The following NLGN4X variants were observed in gnomAD, a reference collection of about 807,000 sequenced individuals.
NLGN4X encodes neuroligin-4, X-linked.
In NLGN4X, 3 loss-of-function variants were observed where a neutral mutation model predicts 40.3. The ratio of observed to expected loss-of-function variants is 0.07; its 90% CI spans 0.03 to 0.19. The LOEUF is 0.19. NLGN4X is among the 10% of genes least tolerant of loss of function. The probability of loss-of-function intolerance (pLI) is 1.00; values close to 1 mark genes in which losing one functional copy is unlikely to be tolerated. For synonymous variants in NLGN4X, 270 were observed against 306.8 expected, an observed-to-expected ratio of 0.88 and a Z score of 1.25; for missense variants, 382 against 708.3, an observed-to-expected ratio of 0.54 and a Z score of 5.23.
chrX:5,950,225 T>C (rs945592825), intron 3 of NLGN4X, among the ~76,000 whole-genome samples: 1 of 112,044 alleles, frequency 8.9e-6, no homozygotes, highest in African/African-American at 3.2e-5. Flanking sequence ...ATGTGGCTAT[T>C]GAGCACATAA....
At chrX:5,939,028 C>T (rs764724668) in intron 3 of NLGN4X, among the ~76,000 whole-genome samples, 9 of 108,571 alleles carry the variant, frequency 8.3e-5, no homozygotes, top group Non-Finnish European at 1.5e-4. Flanking sequence ...CTTGGTTTTG[C>T]ATTATCCAGC....
At chrX:5,946,618 G>T (rs2034129734) in intron 3 of NLGN4X, among the ~76,000 whole-genome samples, 1 of 111,362 alleles carries the variant, frequency 9.0e-6, no homozygotes, top group African/African-American at 3.3e-5. Context: ...TGAATTTTAG[G>T]AGTGTTTCTC....
intron 2 of NLGN4X, among the ~76,000 whole-genome samples, chrX:6,104,419 TTC>T (rs2038989296): frequency 8.9e-6 from 1 of 112,218 alleles, no homozygotes; most frequent in Admixed American, 9.5e-5. Flanking sequence ...GCACATGAGT[TTC>T]TGTGTTCATT....
intron 1 of NLGN4X, among the ~76,000 whole-genome samples, chrX:6,156,884 CAAAT>C (rs1206194504): frequency 9.2e-6 from 1 of 109,249 alleles, no homozygotes; most frequent in Non-Finnish European, 1.9e-5. Flanking sequence ...AAAAAATTGT[CAAAT>C]AAAGATTGAA....
intron 2 of NLGN4X, among the ~76,000 whole-genome samples, chrX:6,067,754 T>C (rs2037958872): frequency 9.0e-6 from 1 of 111,051 alleles, no homozygotes; most frequent in Non-Finnish European, 1.9e-5. Flanking sequence ...TTAAAACAGA[T>C]GGATGTAAAT....
At chrX:5,971,417 T>A (rs183100825) in intron 3 of NLGN4X, among the ~76,000 whole-genome samples, 11 of 111,286 alleles carry the variant, frequency 9.9e-5, no homozygotes, top group African/African-American at 3.6e-4. Context: ...GCATTTGCAA[T>A]ACTTTTCCCT....
intron 2 of NLGN4X, among the ~76,000 whole-genome samples, chrX:6,124,529 A>G (rs1014952855): frequency 6.3e-5 from 7 of 111,532 alleles, no homozygotes; most frequent in Non-Finnish European, 1.3e-4. Context: ...TAAAAATACA[A>G]AAGTTAGCTG....
chrX:6,168,273 C>G (rs1412588642), intron 1 of NLGN4X, among the ~76,000 whole-genome samples: 1 of 112,261 alleles, frequency 8.9e-6, no homozygotes, highest in East Asian at 2.8e-4. Context: ...GCTAAATTAT[C>G]ATCTGGCAAA....
intron 2 of NLGN4X, among the ~76,000 whole-genome samples, chrX:6,129,782 C>CT (rs2039639258): frequency 1.0e-5 from 1 of 97,535 alleles, no homozygotes; most frequent in Non-Finnish European, 2.1e-5. Context: ...AGCCAGACTC[C>CT]TTTTTTATAG....
In NLGN4X at chrX:6,079,378, A is replaced by G. The variant is rs56882930; in HGVS notation, c.473-49946T>C. Among the ~76,000 whole-genome samples the G allele has an allele frequency of 7.6e-3, 850 of 112,493 alleles. 8 individuals carry two copies. The highest frequency in any genetic ancestry group is 0.026 in the African/African-American group (810 of 30,947). Reference sequence around the variant, plus strand: ...GTGTAATCTCATGACCCTACTGTGAAAATTAAAGTAGATAAGTCTTGCCTA... The same window carrying G: ...GTGTAATCTCATGACCCTACTGTGAGAATTAAAGTAGATAAGTCTTGCCTA... On this transcript the variant is annotated intron_variant, in intron 2 of 5. Coordinates refer to ENST00000381095, the MANE Select transcript of NLGN4X (RefSeq NM_181332.3).
intron 2 of NLGN4X, among the ~76,000 whole-genome samples, chrX:6,147,655 A>ATCTCTC (rs762478798): frequency 1.1e-4 from 11 of 97,875 alleles, no homozygotes; most frequent in Non-Finnish European, 1.9e-4. Flanking sequence ...TCTCTCTGCT[A>ATCTCTC]TCTCTCTCTC....
intron 2 of NLGN4X, among the ~76,000 whole-genome samples, chrX:6,071,367 G>A (rs150798119): frequency 0.021 from 2,300 of 110,849 alleles, 57 homozygotes; most frequent in African/African-American, 0.071. Flanking sequence ...TGGGGCGGGG[G>A]GAGAGTAATA....
Position 6,207,121 on chromosome X carries a change from G to A in NLGN4X, c.-306+21420C>T, listed in dbSNP as rs543404400. On this transcript the variant is annotated intron_variant, in intron 1 of 5. Coordinates refer to ENST00000381095, the MANE Select transcript of NLGN4X (RefSeq NM_181332.3). ...AGAAAATGCAACCTTTGGATGGATG[G>A]GTGGATGAGTTTACTTTCAAACAGG... 1.9e-4 allele frequency among the ~76,000 whole-genome samples: 21 copies of A among 110,894 alleles called. No homozygotes were observed. In the South Asian group the frequency reaches 6.6e-3, roughly 35 times the overall value.
At chrX:5,930,892 C>T (rs2146863733) in intron 3 of NLGN4X, among the ~76,000 whole-genome samples, 1 of 112,072 alleles carries the variant, frequency 8.9e-6, no homozygotes, top group South Asian at 3.8e-4. Context: ...TTCCCTGTTG[C>T]TGTCTTTCCT....
intron 2 of NLGN4X, among the ~76,000 whole-genome samples, chrX:6,041,225 G>A (rs753289095): frequency 9.8e-5 from 11 of 111,699 alleles, no homozygotes; most frequent in Non-Finnish European, 2.1e-4. Flanking sequence ...AACAGACCTG[G>A]AAGCTGACTC....
chrX:5,929,046 T>G (rs1439632723), intron 3 of NLGN4X, among the ~76,000 whole-genome samples: 1 of 110,732 alleles, frequency 9.0e-6, no homozygotes, highest in Non-Finnish European at 1.9e-5. Context: ...ATGCAATGAT[T>G]ATTATTTCCA....
intron 3 of NLGN4X, among the ~76,000 whole-genome samples, chrX:6,012,939 G>A (rs751799176): frequency 5.6e-4 from 62 of 111,556 alleles, no homozygotes; most frequent in African/African-American, 1.9e-3. Context: ...TGTTATGGCC[G>A]CTCTAGAAAA....
chrX:5,935,493 C>T (rs1466576168), intron 3 of NLGN4X, among the ~76,000 whole-genome samples: 1 of 112,374 alleles, frequency 8.9e-6, no homozygotes, highest in Non-Finnish European at 1.9e-5. Flanking sequence ...AACTCTGATA[C>T]TGTTCTTGGG....
intron 3 of NLGN4X, among the ~76,000 whole-genome samples, chrX:6,018,769 C>T (rs111649078): frequency 0.15 from 16,326 of 111,299 alleles, 1,084 homozygotes; most frequent in Non-Finnish European, 0.21. Context: ...CTAATAAATG[C>T]CACTATACTT....
Sources: gnomAD v4.1 joint callset for allele counts (sites outside exome capture counted in the v4.1 genomes callset) on GRCh38, gnomAD v4.1.1 for gene constraint, MANE v1.5 for transcripts, NCBI Gene and HGNC (gene_info 2026-07-23, HGNC 2026-07-21) for gene names.